The following CDH20 variants were observed in gnomAD, a reference collection of about 807,000 sequenced individuals.
CDH20 encodes cadherin-20.
In CDH20, 29 loss-of-function variants were observed where a neutral mutation model predicts 74.2. The observed-to-expected ratio is 0.39, with a 90% confidence interval of 0.29 to 0.53. CDH20 has a LOEUF of 0.53. CDH20 is among the 20% of genes least tolerant of loss of function. The probability of loss-of-function intolerance (pLI) is 0.69; values close to 1 mark genes in which losing one functional copy is unlikely to be tolerated. For missense variants in CDH20, 988 were observed against 1,048.3 expected (o/e 0.94, Z 0.79); for synonymous variants, 469 against 405.4 (o/e 1.16, Z -1.88).
chr18:61,417,050 C>T (rs889807239), intron 1 of CDH20, among the ~76,000 whole-genome samples: 1 of 152,122 alleles, frequency 6.6e-6, no homozygotes, highest in Non-Finnish European at 1.5e-5. Flanking sequence ...GAGAAAATAA[C>T]TATTTTCCTT....
At position 61,555,623 on chromosome 18, in the gene CDH20, CT is replaced by C. The variant is rs1913603343; in HGVS notation, c.*929del. The stretch of plus-strand genomic sequence containing the variant: ...GGGATGTTTACATACTGTAGATAAC[CT>C]ACTTGAACAAAAATCAGTATTATAG... On this transcript the variant is annotated 3_prime_UTR_variant, in exon 12 of 12. Coordinates refer to ENST00000262717, the MANE Select transcript of CDH20 (RefSeq NM_031891.4). 6 of 984,142 alleles carry C rather than the reference CT, an allele frequency of 6.1e-6. No individual in the cohort carries two copies. The highest frequency in any genetic ancestry group is 7.2e-6 in the Non-Finnish European group (6 of 828,856). The allele number at this position is 984,142 out of a possible 1,614,324, so 61.0% of individuals were successfully genotyped here.
chr18:61,436,496 C>T (rs1208965470), intron 1 of CDH20, among the ~76,000 whole-genome samples: 5 of 152,114 alleles, frequency 3.3e-5, no homozygotes, highest in Admixed American at 1.3e-4. Flanking sequence ...TTCCTGATGA[C>T]TAATGAAGTT....
At chr18:61,416,003 TAATTCCTAA>T (rs1912669894) in intron 1 of CDH20, among the ~76,000 whole-genome samples, 2 of 151,580 alleles carry the variant, frequency 1.3e-5, no homozygotes, top group Admixed American at 6.6e-5. Context: ...AATGATGAAA[TAATTCCTAA>T]GATGATGTAC....
At chr18:61,461,562 ATTC>A (rs1022922159) in intron 1 of CDH20, among the ~76,000 whole-genome samples, 13 of 152,046 alleles carry the variant, frequency 8.6e-5, no homozygotes, top group African/African-American at 3.1e-4. Flanking sequence ...GTCTGCTCCT[ATTC>A]TTAGAAGGAC....
At chr18:61,381,062 G>A (rs1389760959) in intron 1 of CDH20, among the ~76,000 whole-genome samples, 1 of 152,094 alleles carries the variant, frequency 6.6e-6, no homozygotes, top group Non-Finnish European at 1.5e-5. Context: ...AGCCCCTAAG[G>A]ACAGGGGTGT....
At chr18:61,343,029 G>GC (rs1190124096) in intron 1 of CDH20, among the ~76,000 whole-genome samples, 1 of 152,114 alleles carries the variant, frequency 6.6e-6, no homozygotes, top group East Asian at 1.9e-4. Flanking sequence ...TGTCCACAGT[G>GC]CCCCCAAAAG....
chr18:61,468,566 A>T (rs1910049432), intron 1 of CDH20, among the ~76,000 whole-genome samples: 1 of 152,180 alleles, frequency 6.6e-6, no homozygotes, highest in Non-Finnish European at 1.5e-5. Flanking sequence ...TTTCTCTAGT[A>T]TCCCTTTTTC....
chr18:61,554,598 C>T lies in CDH20; in HGVS notation c.2309C>T (p.Ser770Leu), dbSNP rs753548447. 6 of 1,608,580 alleles carry T rather than the reference C, an allele frequency of 3.7e-6. No individual in the cohort carries two copies. The highest frequency in any genetic ancestry group is 2.2e-5 in the East Asian group (1 of 44,798). ...LSSLQSATSD[S>L]EQSFDFLTDW... ...TCCCTGCAGTCGGCCACGTCGGACT[C>T]GGAACAGAGCTTCGACTTCCTGACG... Residue 770 changes from serine to leucine, a missense_variant, in exon 12 of 12, where the codon TCG (serine) becomes TTG (leucine). By Grantham distance (145) the Ser-to-Leu change is moderately radical (BLOSUM62 -2). This residue lies in a region of CDH20 where 375 missense variants were observed against 293.1 expected (regional missense o/e 1.28). Coordinates refer to ENST00000262717, the MANE Select transcript of CDH20 (RefSeq NM_031891.4).
chr18:61,459,953 G>A (rs905897807), intron 1 of CDH20, among the ~76,000 whole-genome samples: 2 of 152,152 alleles, frequency 1.3e-5, no homozygotes, highest in Admixed American at 1.3e-4. Context: ...CAGGGAAGAG[G>A]GAAAGTGTCC....
intron 1 of CDH20, among the ~76,000 whole-genome samples, chr18:61,388,537 G>A (rs1168375542): frequency 6.6e-6 from 1 of 152,134 alleles, no homozygotes; most frequent in Admixed American, 6.6e-5. Flanking sequence ...TAAGTGCTCA[G>A]CCAATTCATT....
chr18:61,500,574 A>G, intron 4 of CDH20, 72 bp downstream of exon 4: 1 of 1,496,038 alleles, frequency 6.7e-7, no homozygotes, highest in African/African-American at 1.4e-5. Flanking sequence ...TGACAGACCC[A>G]ACTCTCCTTT....
chr18:61,416,545 A>G (rs1462243368), intron 1 of CDH20, among the ~76,000 whole-genome samples: 2 of 152,206 alleles, frequency 1.3e-5, no homozygotes, highest in East Asian at 3.9e-4. Flanking sequence ...TCACTATCCA[A>G]TTTAGCTGTT....
At chr18:61,355,734 C>T (rs1167754920) in intron 1 of CDH20, among the ~76,000 whole-genome samples, 1 of 151,892 alleles carries the variant, frequency 6.6e-6, no homozygotes, top group Non-Finnish European at 1.5e-5. Flanking sequence ...ACTGTCAAGC[C>T]CTCAATAAAA....
intron 1 of CDH20, among the ~76,000 whole-genome samples, chr18:61,466,417 A>C: frequency 6.6e-6 from 1 of 152,150 alleles, no homozygotes; most frequent in African/African-American, 2.4e-5. Context: ...AGTATTCAAA[A>C]ATCCTTTCAT....
intron 1 of CDH20, among the ~76,000 whole-genome samples, chr18:61,433,928 A>G (rs1908740534): frequency 6.6e-6 from 1 of 152,180 alleles, no homozygotes; most frequent in Admixed American, 6.5e-5. Flanking sequence ...ATTCAGCAGT[A>G]GAATCAATAC....
At chr18:61,345,974 T>G (rs1436544450) in intron 1 of CDH20, among the ~76,000 whole-genome samples, 1 of 152,304 alleles carries the variant, frequency 6.6e-6, no homozygotes, top group African/African-American at 2.4e-5. Flanking sequence ...TCCAGGCAAG[T>G]GCTGCCAGTA....
intron 1 of CDH20, among the ~76,000 whole-genome samples, chr18:61,342,461 C>T (rs1909984371): frequency 1.3e-5 from 2 of 152,208 alleles, no homozygotes; most frequent in African/African-American, 2.4e-5. Flanking sequence ...GTCTTCACCA[C>T]TCAGTTCTAC....
chr18:61,502,052 C>T (rs1911402469), intron 4 of CDH20, among the ~76,000 whole-genome samples: 2 of 152,274 alleles, frequency 1.3e-5, no homozygotes, highest in Non-Finnish European at 1.5e-5. Flanking sequence ...GATTATTGTT[C>T]CCAGTCCCTT....
intron 1 of CDH20, among the ~76,000 whole-genome samples, chr18:61,402,764 A>G (rs1912197454): frequency 1.3e-5 from 2 of 152,222 alleles, no homozygotes; most frequent in African/African-American, 4.8e-5. Context: ...ATGTGAAATG[A>G]ATCTATCCCC....
Sources: allele counts gnomAD v4.1 joint callset (sites outside exome capture counted in the v4.1 genomes callset), GRCh38; gene constraint gnomAD v4.1.1; regional missense constraint gnomAD v4.1.1; transcripts MANE v1.5; gene names NCBI Gene and HGNC (gene_info 2026-07-23, HGNC 2026-07-21).